Variants in B3GALT1 observed in about 807,000 individuals in gnomAD.
B3GALT1 encodes beta-1,3-galactosyltransferase 1, also known as UDP-Gal:betaGlcNAc beta 1,3-galactosyltransferase, polypeptide 1.
A neutral mutation model predicts 23.2 loss-of-function variants in B3GALT1; 10 were observed. The ratio of observed to expected loss-of-function variants is 0.43; its 90% CI spans 0.27 to 0.73. B3GALT1 has a LOEUF of 0.73. B3GALT1 is among the 30% of genes least tolerant of loss of function. B3GALT1 has a pLI of 0.21. For missense variants in B3GALT1, 299 were observed against 405.4 expected (o/e 0.74, Z 2.25); for synonymous variants, 156 against 141.5 (o/e 1.10, Z -0.73).
chr2:167,420,853 A>T (rs896629152), intron 1 of B3GALT1, among the ~76,000 whole-genome samples: 1 of 152,330 alleles, frequency 6.6e-6, no homozygotes, highest in African/African-American at 2.4e-5. Context: ...CATGAAGTAG[A>T]GGAAGGACAT....
chr2:167,677,754 G>A (rs527902098), intron 3 of B3GALT1, among the ~76,000 whole-genome samples: 5 of 152,172 alleles, frequency 3.3e-5, no homozygotes, highest in Non-Finnish European at 5.9e-5. Flanking sequence ...CCCAAGACTC[G>A]GTAATTTATA....
chr2:167,835,145 G>A (rs898670318), intron 4 of B3GALT1, among the ~76,000 whole-genome samples: 11 of 152,252 alleles, frequency 7.2e-5, no homozygotes, highest in Non-Finnish European at 1.2e-4. Context: ...CTGAGGTACC[G>A]GGTTCATCTC....
At chr2:167,608,346 G>A (rs1401604373) in intron 2 of B3GALT1, among the ~76,000 whole-genome samples, 14 of 152,228 alleles carry the variant, frequency 9.2e-5, no homozygotes, top group East Asian at 3.9e-4. Flanking sequence ...TTCATCTGAC[G>A]TATTTGGCGT....
At chr2:167,338,582 T>C (rs962213946) in intron 1 of B3GALT1, among the ~76,000 whole-genome samples, 1 of 152,042 alleles carries the variant, frequency 6.6e-6, no homozygotes, top group African/African-American at 2.4e-5. Context: ...GCTACTCATA[T>C]GAAAAAAAGA....
chr2:167,775,374 G>A (rs1574256326), intron 3 of B3GALT1, among the ~76,000 whole-genome samples: 1 of 152,088 alleles, frequency 6.6e-6, no homozygotes, highest in South Asian at 2.1e-4. Flanking sequence ...TTCGAGACCA[G>A]CCTGGCCATT....
chr2:167,484,181 T>C (rs955943733), intron 1 of B3GALT1, among the ~76,000 whole-genome samples: 1 of 152,194 alleles, frequency 6.6e-6, no homozygotes, highest in Non-Finnish European at 1.5e-5. Flanking sequence ...ATAATTACAA[T>C]GATAAGCCAA....
chr2:167,591,823 A>G (rs1200341962), intron 2 of B3GALT1, among the ~76,000 whole-genome samples: 1 of 151,918 alleles, frequency 6.6e-6, no homozygotes, highest in Non-Finnish European at 1.5e-5. Flanking sequence ...TTGTGTTGAG[A>G]GTAAATAGAG....
intron 1 of B3GALT1, among the ~76,000 whole-genome samples, chr2:167,399,128 G>A (rs1416982705): frequency 1.3e-5 from 2 of 152,182 alleles, no homozygotes; most frequent in Non-Finnish European, 2.9e-5. Context: ...TAGCAGTGGT[G>A]CAGGTGGCTT....
intron 2 of B3GALT1, among the ~76,000 whole-genome samples, chr2:167,592,328 A>G (rs965085286): frequency 1.3e-5 from 2 of 152,120 alleles, no homozygotes; most frequent in African/African-American, 4.8e-5. Context: ...GCTGCCCCTA[A>G]TCTAAGAGGA....
At chr2:167,592,868 A>C (rs138195784) in intron 2 of B3GALT1, among the ~76,000 whole-genome samples, 1 of 152,270 alleles carries the variant, frequency 6.6e-6, no homozygotes, top group Admixed American at 6.5e-5. Flanking sequence ...AGAGTACTGC[A>C]AAGGATCAGA....
intron 1 of B3GALT1, among the ~76,000 whole-genome samples, chr2:167,329,691 G>A (rs1205521553): frequency 6.6e-6 from 1 of 152,148 alleles, no homozygotes; most frequent in African/African-American, 2.4e-5. Context: ...TTCTTGTAGG[G>A]CTGGTCTAGT....
At chr2:167,679,293 A>G (rs1209188791) in intron 3 of B3GALT1, among the ~76,000 whole-genome samples, 3 of 151,540 alleles carry the variant, frequency 2.0e-5, no homozygotes, top group East Asian at 1.9e-4. Context: ...TAATTTTTGT[A>G]TTATTAGTAG....
At chr2:167,540,357 C>T (rs1558898017) in intron 2 of B3GALT1, among the ~76,000 whole-genome samples, 1 of 152,182 alleles carries the variant, frequency 6.6e-6, no homozygotes, top group East Asian at 1.9e-4. Context: ...ACAGGAAAAT[C>T]TCAGGCCCCA....
chr2:167,338,116 T>G (rs1697088421), intron 1 of B3GALT1, among the ~76,000 whole-genome samples: 1 of 152,128 alleles, frequency 6.6e-6, no homozygotes, highest in Non-Finnish European at 1.5e-5. Context: ...TGTCCTAATT[T>G]CTCGTTTTAG....
chr2:167,503,421 T>A (rs1326845481), intron 2 of B3GALT1, among the ~76,000 whole-genome samples: 1 of 152,190 alleles, frequency 6.6e-6, no homozygotes, highest in Non-Finnish European at 1.5e-5. Context: ...GTGAAAAAGC[T>A]TACTGTTAAG....
intron 2 of B3GALT1, among the ~76,000 whole-genome samples, chr2:167,495,263 G>T (rs1247845627): frequency 6.7e-6 from 1 of 148,692 alleles, no homozygotes; most frequent in Admixed American, 6.7e-5. Context: ...GTGAAACTTT[G>T]ATACACTTAG....
rs201990377 is a variant in B3GALT1, at chr2:167,519,553, AAAACT to A, written c.-410+29277_-410+29281del. Among the ~76,000 whole-genome samples, 584 of 152,306 alleles carry A rather than the reference AAAACT, an allele frequency of 3.8e-3. 2 individuals carry two copies. The highest frequency in any genetic ancestry group is 0.013 in the African/African-American group (560 of 41,566). ...GTTGGTGTATTAAAAGTAAGGTTAA[AAAACT>A]CAACCTGTTTTTAGGTTTATTGTAT... is the stretch of plus-strand genomic sequence containing the variant. On this transcript the variant is annotated intron_variant, in intron 2 of 4. Coordinates refer to ENST00000392690, the MANE Select transcript of B3GALT1 (RefSeq NM_020981.4).
At chr2:167,742,205 T>C (rs1687587533) in intron 3 of B3GALT1, among the ~76,000 whole-genome samples, 1 of 152,226 alleles carries the variant, frequency 6.6e-6, no homozygotes, top group Non-Finnish European at 1.5e-5. Flanking sequence ...TGCTTTAAGA[T>C]TGCTTTAAGT....
intron 3 of B3GALT1, among the ~76,000 whole-genome samples, chr2:167,805,886 G>C (rs980668247): frequency 6.6e-6 from 1 of 152,166 alleles, no homozygotes; most frequent in Non-Finnish European, 1.5e-5. Context: ...TAGCTTGATA[G>C]GGATGGCATT....
Sources: allele counts gnomAD v4.1 joint callset (sites outside exome capture counted in the v4.1 genomes callset), GRCh38; gene constraint gnomAD v4.1.1; transcripts MANE v1.5; gene names NCBI Gene and HGNC (gene_info 2026-07-23, HGNC 2026-07-21).